CDH13: variants seen among roughly 807,000 people sequenced by gnomAD.
CDH13 encodes the protein cadherin 13.
A neutral mutation model predicts 63.8 loss-of-function variants in CDH13; 24 were observed. The ratio of observed to expected loss-of-function variants is 0.38; its 90% CI spans 0.27 to 0.53. The LOEUF (loss-of-function observed/expected upper bound fraction) is 0.53, where lower values mean the gene tolerates loss of function less well. Ranked by LOEUF, CDH13 falls within the 20% of genes least tolerant of loss-of-function variation. The pLI is 0.85. For missense variants in CDH13, 1,049 were observed against 903.1 expected, an observed-to-expected ratio of 1.16 and a Z score of -2.07; for synonymous variants, 503 against 355.3, an observed-to-expected ratio of 1.42 and a Z score of -4.67.
At chr16:82,990,704 G>A (rs1911558404) in intron 2 of CDH13, among the ~76,000 whole-genome samples, 1 of 151,988 alleles carries the variant, frequency 6.6e-6, no homozygotes, top group South Asian at 2.1e-4. Context: ...ATGCCACCAG[G>A]ACCAGCTATT....
At chr16:82,952,821 C>T (rs375588646) in intron 2 of CDH13, among the ~76,000 whole-genome samples, 2 of 152,202 alleles carry the variant, frequency 1.3e-5, no homozygotes, top group Non-Finnish European at 2.9e-5. Flanking sequence ...ACCAGAAGAA[C>T]TGACACCCTG....
chr16:83,045,485 A>G (rs1234379753), intron 3 of CDH13, among the ~76,000 whole-genome samples: 5 of 151,880 alleles, frequency 3.3e-5, no homozygotes. Flanking sequence ...AAAAATACAA[A>G]AATTATCCAG....
intron 1 of CDH13, among the ~76,000 whole-genome samples, chr16:82,747,016 G>A (rs1402444847): frequency 3.9e-5 from 6 of 152,206 alleles, no homozygotes. Context: ...TTGTTAGATT[G>A]TCTTAGTCCT....
chr16:82,818,139 T>TGTGTGTGTGTGTGTGTGTGTGTG (rs1555523731), intron 1 of CDH13, among the ~76,000 whole-genome samples: 246 of 151,440 alleles, frequency 1.6e-3, no homozygotes, highest in African/African-American at 5.5e-3. Flanking sequence ...TGTGTGTGTG[T>TGTGTGTGTGTGTGTGTGTGTGTG]TTTGGGAAGA....
intron 7 of CDH13, among the ~76,000 whole-genome samples, chr16:83,540,436 C>T (rs184264041): frequency 6.6e-6 from 1 of 152,212 alleles, no homozygotes; most frequent in Admixed American, 6.5e-5. Flanking sequence ...AGCAGCTGAC[C>T]AGTCATTACC....
intron 2 of CDH13, among the ~76,000 whole-genome samples, chr16:82,938,714 C>G (rs1183339337): frequency 6.6e-6 from 1 of 152,032 alleles, no homozygotes; most frequent in Non-Finnish European, 1.5e-5. Context: ...GCACACAAGA[C>G]AAGGAAAAAG....
chr16:83,076,076 G>C (rs941553979), intron 3 of CDH13, among the ~76,000 whole-genome samples: 2 of 152,104 alleles, frequency 1.3e-5, no homozygotes, highest in African/African-American at 4.8e-5. Flanking sequence ...GCTGATTCCA[G>C]ACATCCTGCC....
At chr16:82,732,807 T>C (rs369613553) in intron 1 of CDH13, among the ~76,000 whole-genome samples, 5 of 152,242 alleles carry the variant, frequency 3.3e-5, no homozygotes, top group African/African-American at 1.2e-4. Flanking sequence ...ACTTTGGATT[T>C]CTGGTTTCAT....
rs548943853 is a variant in CDH13 at position 83,178,684 on chromosome 16, C to T, written c.484-38661C>T. On this transcript the variant is annotated intron_variant, in intron 4 of 13. Coordinates refer to ENST00000567109, the MANE Select transcript of CDH13 (RefSeq NM_001257.5). The stretch of plus-strand genomic sequence containing the variant: ...TTTCCCGCTCTGTGTTCATGAATAA[C>T]GCTTTATAGTTGAATGTCAGAATGC... 2.6e-5 allele frequency among the ~76,000 whole-genome samples: 4 copies of T among 152,224 alleles called. No individual in the cohort carries two copies. In the East Asian group the frequency reaches 5.8e-4, roughly 22 times the overall value.
intron 2 of CDH13, among the ~76,000 whole-genome samples, chr16:82,999,846 A>G (rs1350200993): frequency 6.6e-6 from 1 of 152,222 alleles, no homozygotes; most frequent in East Asian, 1.9e-4. Flanking sequence ...TCTAAGAAGC[A>G]GATGGGATAA....
chr16:83,649,759 G>C (rs1422306303), intron 8 of CDH13, among the ~76,000 whole-genome samples: 4 of 152,148 alleles, frequency 2.6e-5, no homozygotes, highest in African/African-American at 9.7e-5. Flanking sequence ...CTCTTCCCCT[G>C]TGGGTCAAGC....
intron 3 of CDH13, among the ~76,000 whole-genome samples, chr16:83,119,825 A>G (rs1235445811): frequency 6.6e-6 from 1 of 152,214 alleles, no homozygotes; most frequent in African/African-American, 2.4e-5. Context: ...CAAACTCATT[A>G]GCACAGACTC....
At chr16:83,274,554 A>T (rs993422507) in intron 5 of CDH13, among the ~76,000 whole-genome samples, 1 of 152,144 alleles carries the variant, frequency 6.6e-6, no homozygotes, top group Non-Finnish European at 1.5e-5. Flanking sequence ...TAAGTAATGT[A>T]TTCCTTCAAG....
At chr16:83,180,606 C>T (rs80073747) in intron 4 of CDH13, among the ~76,000 whole-genome samples, 2 of 152,260 alleles carry the variant, frequency 1.3e-5, no homozygotes, top group Non-Finnish European at 2.9e-5. Context: ...GAAGTGTGTG[C>T]TTTGTACATT....
chr16:83,220,503 A>G (rs1418471296), intron 5 of CDH13, among the ~76,000 whole-genome samples: 1 of 152,182 alleles, frequency 6.6e-6, no homozygotes, highest in South Asian at 2.1e-4. Context: ...TTGCAAGTTT[A>G]AAAAGGAGAG....
intron 8 of CDH13, among the ~76,000 whole-genome samples, chr16:83,611,666 A>C (rs913007930): frequency 6.6e-6 from 1 of 151,728 alleles, no homozygotes; most frequent in Non-Finnish European, 1.5e-5. Flanking sequence ...GACTATATAA[A>C]TTTTCCCTTA....
intron 3 of CDH13, among the ~76,000 whole-genome samples, chr16:83,084,210 C>T (rs1330604210): frequency 6.6e-6 from 1 of 152,272 alleles, no homozygotes; most frequent in East Asian, 1.9e-4. Flanking sequence ...CAACTGATTG[C>T]ATTATTAGCT....
intron 1 of CDH13, among the ~76,000 whole-genome samples, chr16:82,709,728 T>C (rs1004443651): frequency 1.3e-5 from 2 of 152,146 alleles, no homozygotes; most frequent in African/African-American, 2.4e-5. Flanking sequence ...AGAAAAGATA[T>C]GGTAAAGAGG....
chr16:83,459,028 C>T (rs2073100778), intron 6 of CDH13, among the ~76,000 whole-genome samples: 1 of 152,216 alleles, frequency 6.6e-6, no homozygotes, highest in South Asian at 2.1e-4. Flanking sequence ...TCAATTCCAA[C>T]AAACACACTT....
Sources: gnomAD v4.1 joint callset for allele counts (sites outside exome capture counted in the v4.1 genomes callset) on GRCh38, gnomAD v4.1.1 for gene constraint, MANE v1.5 for transcripts, NCBI Gene and HGNC (gene_info 2026-07-23, HGNC 2026-07-21) for gene names.